Variants in CDK14 observed in about 807,000 individuals in gnomAD.
The protein encoded by CDK14 is cyclin dependent kinase 14, also known as cyclin-dependent kinase 14.
CDK14 carries 34 observed loss-of-function variants against 60.7 expected under a neutral mutation model. The ratio of observed to expected loss-of-function variants is 0.56; its 90% confidence interval spans 0.43 to 0.75. The LOEUF (loss-of-function observed/expected upper bound fraction) is 0.75. CDK14 is among the 30% of genes least tolerant of loss of function. The pLI is 0.00. For synonymous variants in CDK14, 197 were observed against 203.7 expected (o/e 0.97, Z 0.28); for missense variants, 482 against 564.1 (o/e 0.85, Z 1.47).
intron 3 of CDK14, among the ~76,000 whole-genome samples, chr7:90,731,346 A>C (rs1049476124): frequency 6.6e-6 from 1 of 151,200 alleles, no homozygotes; most frequent in African/African-American, 2.4e-5. Flanking sequence ...GCTCCATATG[A>C]AATTTAAAGT....
chr7:90,628,488 A>G (rs1682863410), intron 2 of CDK14, among the ~76,000 whole-genome samples: 1 of 152,044 alleles, frequency 6.6e-6, no homozygotes, highest in African/African-American at 2.4e-5. Flanking sequence ...GTCCTTCTCA[A>G]ACTTCAGTGT....
chr7:90,709,076 A>G (rs1801968793), intron 2 of CDK14, among the ~76,000 whole-genome samples: 1 of 151,620 alleles, frequency 6.6e-6, no homozygotes, highest in Non-Finnish European at 1.5e-5. Context: ...TATGAGCTCT[A>G]AGTCCACCAA....
intron 2 of CDK14, among the ~76,000 whole-genome samples, chr7:90,627,327 A>G (rs1452095275): frequency 6.6e-6 from 1 of 151,804 alleles, no homozygotes; most frequent in Admixed American, 6.6e-5. Context: ...TTCCCACCTC[A>G]GCCTCCCAAG....
At chr7:91,174,118 G>C (rs1047351920) in intron 14 of CDK14, among the ~76,000 whole-genome samples, 8 of 151,954 alleles carry the variant, frequency 5.3e-5, no homozygotes, top group South Asian at 2.1e-4. Context: ...CTGAGAACGG[G>C]CAGACTGCCT....
At chr7:90,645,906 C>T (rs887194135) in intron 2 of CDK14, among the ~76,000 whole-genome samples, 3 of 152,180 alleles carry the variant, frequency 2.0e-5, no homozygotes, top group Non-Finnish European at 4.4e-5. Flanking sequence ...TAGTAGATTT[C>T]TTTTAAGCAG....
intron 2 of CDK14, among the ~76,000 whole-genome samples, chr7:90,677,308 T>C (rs1452442158): frequency 1.3e-5 from 2 of 152,190 alleles, no homozygotes; most frequent in African/African-American, 4.8e-5. Context: ...CCCTCCTAAA[T>C]TTATTGGTTC....
chr7:90,786,767 A>T (rs371813766), intron 4 of CDK14, among the ~76,000 whole-genome samples: 14 of 119,890 alleles, frequency 1.2e-4, no homozygotes, highest in East Asian at 3.4e-4. Flanking sequence ...TTTTTTTTTT[A>T]AATTAGCCTG....
intron 6 of CDK14, among the ~76,000 whole-genome samples, chr7:90,896,047 A>G (rs1219962059): frequency 6.6e-6 from 1 of 152,086 alleles, no homozygotes; most frequent in East Asian, 1.9e-4. Context: ...GTCTGCTATT[A>G]ACTGCATTGA....
At chr7:90,814,319 T>C (rs953776925) in intron 5 of CDK14, among the ~76,000 whole-genome samples, 21 of 152,330 alleles carry the variant, frequency 1.4e-4, no homozygotes, top group African/African-American at 4.8e-4. Context: ...GGGTCTCTTG[T>C]TGATGCTATC....
intron 11 of CDK14, among the ~76,000 whole-genome samples, chr7:91,068,254 G>T (rs1019427562): frequency 1.3e-5 from 2 of 152,162 alleles, no homozygotes; most frequent in Non-Finnish European, 2.9e-5. Context: ...ACATTTGTTG[G>T]TAAGCCCTTT....
chr7:90,634,936 G>C (rs1224694622), intron 2 of CDK14, among the ~76,000 whole-genome samples: 1 of 152,126 alleles, frequency 6.6e-6, no homozygotes, highest in Non-Finnish European at 1.5e-5. Flanking sequence ...GTCTTCTTTT[G>C]AGAAGTGTCT....
At chr7:90,921,214 C>G (rs1199062540) in intron 8 of CDK14, among the ~76,000 whole-genome samples, 1 of 152,148 alleles carries the variant, frequency 6.6e-6, no homozygotes, top group Non-Finnish European at 1.5e-5. Context: ...TCCTTGTATA[C>G]TGTGGTGCAG....
intron 6 of CDK14, among the ~76,000 whole-genome samples, chr7:90,884,240 A>C (rs1791869712): frequency 6.6e-6 from 1 of 152,218 alleles, no homozygotes; most frequent in Non-Finnish European, 1.5e-5. Flanking sequence ...GCAAAGTCTC[A>C]GAATACAAAA....
At chr7:91,140,476 G>A (rs1460945850) in intron 14 of CDK14, among the ~76,000 whole-genome samples, 1 of 152,184 alleles carries the variant, frequency 6.6e-6, no homozygotes, top group Non-Finnish European at 1.5e-5. Context: ...CCTTATGTTA[G>A]TGAGTCCTTT....
chr7:90,822,750 A>T lies in CDK14; in HGVS notation c.544+32098A>T, dbSNP rs376955887. ...GGCAGACACAAAAGAGCACATAATG[A>T]TTGTTGCAAAGATGGACAAAACTAA... On this transcript the variant is annotated intron_variant, in intron 5 of 14. Transcript: ENST00000380050. Among the ~76,000 whole-genome samples the T allele has an allele frequency of 2.6e-5, 4 of 152,338 alleles. No homozygotes were observed. In the South Asian group the frequency reaches 8.3e-4, roughly 32 times the overall value.
chr7:90,677,031 A>G (rs991159779), intron 2 of CDK14, among the ~76,000 whole-genome samples: 5 of 151,954 alleles, frequency 3.3e-5, no homozygotes, highest in African/African-American at 4.8e-5. Flanking sequence ...CATGTCTGTT[A>G]TATTTAACTT....
intron 2 of CDK14, among the ~76,000 whole-genome samples, chr7:90,618,754 A>C (rs1356119356): frequency 6.6e-6 from 1 of 152,216 alleles, no homozygotes; most frequent in Non-Finnish European, 1.5e-5. Flanking sequence ...TAGTTCTGCA[A>C]GTATTTACAT....
intron 14 of CDK14, among the ~76,000 whole-genome samples, chr7:91,158,748 A>T (rs1239145559): frequency 6.6e-6 from 1 of 152,180 alleles, no homozygotes; most frequent in Non-Finnish European, 1.5e-5. Flanking sequence ...ACCCCGTCAG[A>T]GGTAAGGAAT....
intron 2 of CDK14, among the ~76,000 whole-genome samples, chr7:90,661,968 T>G (rs1563035092): frequency 6.6e-6 from 1 of 152,174 alleles, no homozygotes; most frequent in Non-Finnish European, 1.5e-5. Flanking sequence ...TTGCTAGAGC[T>G]TGTCTGGCAG....
Sources: gnomAD v4.1 joint callset for allele counts (sites outside exome capture counted in the v4.1 genomes callset) on GRCh38, gnomAD v4.1.1 for gene constraint, MANE v1.5 for transcripts, NCBI Gene and HGNC (gene_info 2026-07-23, HGNC 2026-07-21) for gene names.